The following ADAM18 variants were observed in gnomAD, a reference collection of about 807,000 sequenced individuals.
The protein encoded by ADAM18 is disintegrin and metalloproteinase domain-containing protein 18.
ADAM18 carries 117 observed loss-of-function variants against 94.4 expected under a neutral mutation model. That is an observed-to-expected ratio of 1.24 (90% confidence interval 1.07 to 1.45). The LOEUF (loss-of-function observed/expected upper bound fraction) is 1.45. ADAM18 is among the 40% of genes most tolerant of loss of function. ADAM18 has a pLI of 0.00. For synonymous variants in ADAM18, 327 were observed against 291.6 expected, an observed-to-expected ratio of 1.12 and a Z score of -1.24; for missense variants, 936 against 880.0, an observed-to-expected ratio of 1.06 and a Z score of -0.81.
At position 39,682,191 on chromosome 8, in the gene ADAM18, C is replaced by T. The variant is rs556922248; in HGVS notation, c.1821+1965C>T. Among the ~76,000 whole-genome samples, 16 of 152,276 alleles carry T rather than the reference C, an allele frequency of 1.1e-4. 2 individuals are homozygous for T. The South Asian group carries it at 3.1e-3, about 30-fold the overall frequency. On this transcript the variant is annotated intron_variant, in intron 16 of 19. Coordinates refer to ENST00000265707, the MANE Select transcript of ADAM18 (RefSeq NM_014237.3). ...GAAAGGCTGCCTCACAGATCCTCTA[C>T]ATTTAAAAAAATAAGGCATCTGGAA...
chr8:39,720,472 A>G (rs1032538221), intron 18 of ADAM18, among the ~76,000 whole-genome samples: 1 of 151,434 alleles, frequency 6.6e-6, no homozygotes, highest in Non-Finnish European at 1.5e-5. Context: ...TCTCTCAGTA[A>G]AGCTGTTAAA....
At chr8:39,638,954 A>C (rs1464461946) in intron 10 of ADAM18, among the ~76,000 whole-genome samples, 2 of 151,914 alleles carry the variant, frequency 1.3e-5, no homozygotes, top group Non-Finnish European at 2.9e-5. Flanking sequence ...TGAATGCATA[A>C]ATAATATATA....
intron 10 of ADAM18, among the ~76,000 whole-genome samples, chr8:39,644,210 A>AT (rs1183941570): frequency 1.3e-5 from 2 of 152,078 alleles, no homozygotes; most frequent in African/African-American, 4.8e-5. Context: ...TTTATTTATC[A>AT]AAGATAAATA....
chr8:39,611,552 A>G (rs1819271925), intron 6 of ADAM18: 1 of 985,304 alleles, frequency 1.0e-6, no homozygotes, highest in Non-Finnish European at 1.2e-6. Context: ...TTACTGGGAT[A>G]AATAAAAAAA....
intron 6 of ADAM18, among the ~76,000 whole-genome samples, chr8:39,615,446 C>A (rs556343121): frequency 6.6e-6 from 1 of 152,120 alleles, no homozygotes; most frequent in Non-Finnish European, 1.5e-5. Context: ...CATTCAGTAG[C>A]AGGTTGTTTA....
intron 14 of ADAM18, among the ~76,000 whole-genome samples, chr8:39,674,132 A>G (rs1012677994): frequency 6.6e-6 from 1 of 152,176 alleles, no homozygotes; most frequent in Non-Finnish European, 1.5e-5. Flanking sequence ...GTAGATGTCT[A>G]TTAGTCCTGC....
rs1820965327 is a variant in ADAM18 at position 39,665,238 on chromosome 8, A to ATG, written c.1326+1348_1326+1349insTG. On this transcript the variant is annotated intron_variant, in intron 13 of 19. Transcript: ENST00000265707. ...CATCTTAACATAATGTATTTGAGAT[A>ATG]CATTCATGTTCTTATGTTTATTAGC... is the stretch of plus-strand genomic sequence containing the variant. Among the ~76,000 whole-genome samples the ATG allele has an allele frequency of 9.2e-5, 14 of 152,324 alleles. No individual in the cohort carries two copies. In the South Asian group the frequency reaches 2.9e-3, roughly 32 times the overall value.
At chr8:39,715,954 T>C (rs1375920981) in intron 18 of ADAM18, among the ~76,000 whole-genome samples, 1 of 151,978 alleles carries the variant, frequency 6.6e-6, no homozygotes, top group Non-Finnish European at 1.5e-5. Flanking sequence ...AATGCCAGCA[T>C]CGCCCCCAGT....
intron 6 of ADAM18, among the ~76,000 whole-genome samples, chr8:39,619,537 C>T (rs1014344848): frequency 6.6e-6 from 1 of 151,142 alleles, no homozygotes; most frequent in East Asian, 1.9e-4. Flanking sequence ...TGTACAAATA[C>T]ATGGAAATTA....
chr8:39,705,210 C>T (rs1203258333), intron 17 of ADAM18, among the ~76,000 whole-genome samples: 1 of 151,986 alleles, frequency 6.6e-6, no homozygotes, highest in East Asian at 1.9e-4. Flanking sequence ...TGTGTGTGTT[C>T]TTAGAATTAT....
At chr8:39,716,141 CA>C (rs1218805714) in intron 18 of ADAM18, among the ~76,000 whole-genome samples, 1 of 149,624 alleles carries the variant, frequency 6.7e-6, no homozygotes, top group Non-Finnish European at 1.5e-5. Flanking sequence ...ATTTTAAAAA[CA>C]GCTTTTAGTT....
intron 2 of ADAM18, among the ~76,000 whole-genome samples, chr8:39,586,802 ATATCTATC>A (rs71518173): frequency 9.8e-4 from 128 of 131,034 alleles, no homozygotes; most frequent in East Asian, 2.8e-3. Context: ...CTATCTATCT[ATATCTATC>A]TATCTATCAT....
chr8:39,696,556 TTGAGA>T (rs925733747), intron 17 of ADAM18, among the ~76,000 whole-genome samples: 56 of 151,636 alleles, frequency 3.7e-4, no homozygotes, highest in African/African-American at 1.3e-3. Flanking sequence ...TGGTATATGT[TTGAGA>T]TAAGAGTCTA....
intron 6 of ADAM18, among the ~76,000 whole-genome samples, chr8:39,627,637 GA>G (rs1819810163): frequency 6.6e-6 from 1 of 152,030 alleles, no homozygotes; most frequent in Non-Finnish European, 1.5e-5. Context: ...GAAGACAGCA[GA>G]TGTTTGGTTT....
intron 2 of ADAM18, among the ~76,000 whole-genome samples, chr8:39,591,994 G>A (rs1818581767): frequency 6.6e-6 from 1 of 152,218 alleles, no homozygotes; most frequent in Non-Finnish European, 1.5e-5. Context: ...TCAATGAGCA[G>A]TAATATTTTG....
At chr8:39,661,734 A>G (rs974559284) in intron 12 of ADAM18, among the ~76,000 whole-genome samples, 4 of 151,916 alleles carry the variant, frequency 2.6e-5, no homozygotes, top group Non-Finnish European at 5.9e-5. Context: ...ATTTGTTCAA[A>G]TATTTATTAG....
intron 18 of ADAM18, among the ~76,000 whole-genome samples, chr8:39,709,936 A>AT (rs1822349395): frequency 6.6e-6 from 1 of 152,260 alleles, no homozygotes; most frequent in Non-Finnish European, 1.5e-5. Flanking sequence ...AAAATAATGC[A>AT]TTTAAGTTTG....
Position 39,624,522 on chromosome 8 carries a change from C to T in ADAM18, c.523-4852C>T, listed in dbSNP as rs1585910781. Among the ~76,000 whole-genome samples the T allele has an allele frequency of 2.0e-5, 3 of 152,202 alleles. No individual in the cohort carries two copies. In the South Asian group the frequency reaches 6.2e-4, roughly 32 times the overall value. On this transcript the variant is annotated intron_variant, in intron 6 of 19. Transcript: ENST00000265707. ...TTGGTCTATGTATCTACTTTTATAC[C>T]AGTACAATGCTATTTTGGTTAGTAA...
At chr8:39,590,118 A>G (rs923837303) in intron 2 of ADAM18, among the ~76,000 whole-genome samples, 3 of 151,722 alleles carry the variant, frequency 2.0e-5, no homozygotes, top group Non-Finnish European at 2.9e-5. Context: ...TCATGCTGCT[A>G]TAAAGACACA....
Sources: gnomAD v4.1 joint callset for allele counts (sites outside exome capture counted in the v4.1 genomes callset) on GRCh38, gnomAD v4.1.1 for gene constraint, MANE v1.5 for transcripts, NCBI Gene and HGNC (gene_info 2026-07-23, HGNC 2026-07-21) for gene names.